The following WDR75 variants were observed in gnomAD, a reference collection of about 807,000 sequenced individuals.
WDR75 encodes WD repeat-containing protein 75.
A neutral mutation model predicts 106.1 loss-of-function variants in WDR75; 52 were observed. The observed-to-expected ratio is 0.49, with a 90% confidence interval of 0.39 to 0.62. The LOEUF is 0.62. WDR75 is among the 20% of genes least tolerant of loss of function. The pLI is 0.00. For synonymous variants in WDR75, 333 were observed against 335.5 expected, an observed-to-expected ratio of 0.99 and a Z score of 0.08; for missense variants, 905 against 970.3, an observed-to-expected ratio of 0.93 and a Z score of 0.89.
chr2:189,455,245 A>G, intron 4 of WDR75, 75 bp from the exon 5 acceptor site: 3 of 1,533,072 alleles, frequency 2.0e-6, no homozygotes, highest in Non-Finnish European at 2.6e-6. Context: ...TGCCTCAAAA[A>G]AAAAAGAATA....
chr2:189,470,750 C>A, intron 17 of WDR75, 69 bp from the exon 18 acceptor site: 1 of 1,230,540 alleles, frequency 8.1e-7, no homozygotes, highest in Non-Finnish European at 1.1e-6. Flanking sequence ...TTTTTTAACA[C>A]CCTGTAACAC....
Position 189,463,928 on chromosome 2 carries a change from T to G in WDR75, c.1080T>G (p.Phe360Leu). The change falls in exon 11 of 21, where the codon TTT becomes TTG. Residue 360 changes from phenylalanine to leucine, a missense_variant. Transcript: ENST00000314761. ...ATGGAAAACCTGGCCACCTGCAGTT[T>G]TATTCTCTCCAGAGTGATAAACAGT... is the stretch of plus-strand genomic sequence containing the variant. Reference protein sequence around the residue: ...VLNGKPGHLQFYSLQSDKQLY... With the variant: ...VLNGKPGHLQLYSLQSDKQLY... The G allele has an allele frequency of 1.2e-6, 2 of 1,613,908 alleles. No homozygotes were observed. Among genetic ancestry groups the G allele is most frequent in the East Asian group, 2.2e-5 (1 of 44,874 alleles).
chr2:189,447,976 A>G (rs1431202081), intron 1 of WDR75, among the ~76,000 whole-genome samples: 4 of 152,160 alleles, frequency 2.6e-5, no homozygotes, highest in Admixed American at 6.5e-5. Context: ...AGTTTCCCCT[A>G]TACTGTTCTT....
At chr2:189,470,972 G>T in intron 18 of WDR75, 94 bp downstream of exon 18, 2 of 947,824 alleles carry the variant, frequency 2.1e-6, no homozygotes, top group Non-Finnish European at 3.0e-6. Flanking sequence ...ATTTCACTTG[G>T]CCCTAAAATA....
Position 189,466,503 on chromosome 2 carries a change from T to G in WDR75, c.1368T>G (p.Ser456=). The change falls in exon 13 of 21, where the codon TCT becomes TCG. Residue 456 remains serine, a synonymous_variant. Transcript: ENST00000314761. ...TALCFCNAEK[S]EQPTLVTASK... ...TCTGTTTCTGTAATGCAGAAAAATC[T>G]GAACAGCCCACCTTGGTTACAGCTA... The G allele has an allele frequency of 6.2e-7, 1 of 1,613,406 alleles. No individual in the cohort carries two copies. The highest frequency in any genetic ancestry group is 8.5e-7 in the Non-Finnish European group (1 of 1,179,478).
At chr2:189,453,349 G>C (rs1686665772) in intron 4 of WDR75, among the ~76,000 whole-genome samples, 2 of 152,156 alleles carry the variant, frequency 1.3e-5, no homozygotes, top group South Asian at 4.1e-4. Context: ...AGGTGATTCT[G>C]CTCATCACTC....
At chr2:189,462,137 G>A (rs1352528951) in intron 8 of WDR75, among the ~76,000 whole-genome samples, 3 of 151,590 alleles carry the variant, frequency 2.0e-5, no homozygotes, top group African/African-American at 4.8e-5. Context: ...TCGTGAAATC[G>A]GCTTTTTTTT....
At chr2:189,452,427 T>A (rs1223999133) in intron 4 of WDR75, among the ~76,000 whole-genome samples, 1 of 151,894 alleles carries the variant, frequency 6.6e-6, no homozygotes, top group Non-Finnish European at 1.5e-5. Context: ...CCGGGTATGG[T>A]GGCAGGCACC....
At chr2:189,455,676 T>C in intron 5 of WDR75, 1 of 325,678 alleles carries the variant, frequency 3.1e-6, no homozygotes. Flanking sequence ...TCTCTTAGAC[T>C]ATGTGTCTTT....
Position 189,475,423 on chromosome 2 carries a change from G to A in WDR75, c.*6G>A. 2 of 1,562,406 alleles carry A rather than the reference G, an allele frequency of 1.3e-6. No individual in the cohort carries two copies. The highest frequency in any genetic ancestry group is 1.7e-6 in the Non-Finnish European group (2 of 1,146,214). On this transcript the variant is annotated 3_prime_UTR_variant, in exon 21 of 21. Transcript: ENST00000314761. The stretch of plus-strand genomic sequence containing the variant: ...GCTGGATAGCTGCCCTTTAAGCCTT[G>A]GAGATGGGGAGGATCCTTGGACTTT...
chr2:189,469,477 A>G (rs748026319), intron 16 of WDR75, 38 bp downstream of exon 16: 13 of 1,507,152 alleles, frequency 8.6e-6, no homozygotes, highest in Admixed American at 8.6e-5. Context: ...GAGAACATCT[A>G]TGACCTAAGT....
chr2:189,449,117 G>A (rs1305984956), intron 2 of WDR75: 1 of 578,402 alleles, frequency 1.7e-6, no homozygotes, highest in African/African-American at 2.0e-5. Context: ...TTCTTTCTTA[G>A]TATTTAAGAA....
At chr2:189,447,965 C>T (rs1248402524) in intron 1 of WDR75, among the ~76,000 whole-genome samples, 1 of 152,110 alleles carries the variant, frequency 6.6e-6, no homozygotes, top group Non-Finnish European at 1.5e-5. Context: ...ATCATGGGGG[C>T]AGTTTCCCCT....
chr2:189,447,968 T>C (rs1437138498), intron 1 of WDR75, among the ~76,000 whole-genome samples: 3 of 152,178 alleles, frequency 2.0e-5, no homozygotes, highest in Admixed American at 6.5e-5. Context: ...ATGGGGGCAG[T>C]TTCCCCTATA....
intron 18 of WDR75, among the ~76,000 whole-genome samples, chr2:189,473,382 G>GTGTTATTCGAACCCT (rs1558990609): frequency 6.6e-6 from 1 of 152,148 alleles, no homozygotes; most frequent in Non-Finnish European, 1.5e-5. Flanking sequence ...CCACATAGAC[G>GTGTTATTCGAACCCT]TGTTATTCGA....
chr2:189,469,056 T>A (rs1687061939), intron 15 of WDR75, among the ~76,000 whole-genome samples: 1 of 152,166 alleles, frequency 6.6e-6, no homozygotes, highest in Admixed American at 6.5e-5. Context: ...TTCTTTACAG[T>A]TAACTCTGGT....
chr2:189,457,137 A>G (rs1021273357), intron 5 of WDR75, among the ~76,000 whole-genome samples, 174 bp from the exon 6 acceptor site: 4 of 152,030 alleles, frequency 2.6e-5, no homozygotes, highest in African/African-American at 9.7e-5. Context: ...GCTACTTGGG[A>G]GGCTGAAGCA....
intron 19 of WDR75, 77 bp from the exon 20 acceptor site, chr2:189,474,640 C>G: frequency 7.9e-7 from 1 of 1,271,738 alleles, no homozygotes; most frequent in African/African-American, 1.5e-5. Flanking sequence ...AAAGGGACTC[C>G]GTGAGGACAC....
intron 18 of WDR75, among the ~76,000 whole-genome samples, chr2:189,472,214 T>C (rs1372797181): frequency 6.6e-6 from 1 of 151,960 alleles, no homozygotes; most frequent in East Asian, 1.9e-4. Context: ...AAATATGGAG[T>C]AGAGAAGGTG....
Sources: gnomAD v4.1 joint callset for allele counts (sites outside exome capture counted in the v4.1 genomes callset) on GRCh38, gnomAD v4.1.1 for gene constraint, MANE v1.5 for transcripts, NCBI Gene and HGNC (gene_info 2026-07-23, HGNC 2026-07-21) for gene names.